ADAMTSL1: variants seen among roughly 807,000 people sequenced by gnomAD.
ADAMTSL1 encodes ADAMTS like 1.
ADAMTSL1 carries 126 observed loss-of-function variants against 201.8 expected under a neutral mutation model. The observed-to-expected ratio is 0.62, with a 90% confidence interval of 0.54 to 0.72. The LOEUF (loss-of-function observed/expected upper bound fraction) is 0.72, where lower values mean the gene tolerates loss of function less well. Among genes scored for constraint, ADAMTSL1 ranks in the 30% least tolerant of loss-of-function variants. The pLI, the probability that ADAMTSL1 is intolerant of heterozygous loss-of-function variation, is 0.00. For synonymous variants in ADAMTSL1, 1,121 were observed against 903.4 expected (o/e 1.24, Z -4.32); for missense variants, 2,679 against 2,277.8 (o/e 1.18, Z -3.59).
At chr9:18,693,382 A>T (rs1375641424) in intron 13 of ADAMTSL1, among the ~76,000 whole-genome samples, 1 of 152,242 alleles carries the variant, frequency 6.6e-6, no homozygotes, top group Non-Finnish European at 1.5e-5. Context: ...CTGCATAAGT[A>T]TAACTATAAG....
In ADAMTSL1 at chr9:18,395,560, T is replaced by C. The variant is rs575656710; in HGVS notation, c.208-109269T>C. 5.9e-5 allele frequency among the ~76,000 whole-genome samples: 9 copies of C among 152,304 alleles called. No individual in the cohort carries two copies. In the South Asian group the frequency reaches 1.9e-3, roughly 32 times the overall value. ...CAGACCCATTTTCTGATAGGGTATTTATCTGGCAAAATTCAATGAATGAAT... is the reference window on the plus strand; with the variant it reads ...CAGACCCATTTTCTGATAGGGTATTCATCTGGCAAAATTCAATGAATGAAT... On this transcript the variant is annotated intron_variant, in intron 2 of 29. Transcript: ENST00000680146.
chr9:18,562,508 T>C (rs1821583711), intron 3 of ADAMTSL1, among the ~76,000 whole-genome samples: 1 of 152,172 alleles, frequency 6.6e-6, no homozygotes, highest in Non-Finnish European at 1.5e-5. Context: ...GGGTTGCTCT[T>C]CTTGTGGAGT....
chr9:18,702,762 A>C (rs1461988072), intron 13 of ADAMTSL1, among the ~76,000 whole-genome samples: 2 of 152,084 alleles, frequency 1.3e-5, no homozygotes, highest in African/African-American at 4.8e-5. Flanking sequence ...TGCTAACAAA[A>C]AGAGTTTTTT....
At chr9:18,907,036 G>A (rs1242473971) in intron 28 of ADAMTSL1, 124 bp downstream of exon 28, 2 of 1,118,666 alleles carry the variant, frequency 1.8e-6, no homozygotes, top group South Asian at 1.5e-5. Context: ...TTGTGAGCTG[G>A]TGGTGGAGTT....
At chr9:18,210,924 A>T (rs924858989) in intron 2 of ADAMTSL1, among the ~76,000 whole-genome samples, 1 of 152,032 alleles carries the variant, frequency 6.6e-6, no homozygotes, top group Non-Finnish European at 1.5e-5. Context: ...GACATTAGAG[A>T]AACACACAAA....
intron 2 of ADAMTSL1, among the ~76,000 whole-genome samples, chr9:18,353,529 G>A (rs1211487501): frequency 6.6e-6 from 1 of 152,054 alleles, no homozygotes; most frequent in African/African-American, 2.4e-5. Flanking sequence ...ACATGCTCTT[G>A]GTCATAAAGC....
At chr9:18,808,558 C>A (rs1240909502) in intron 20 of ADAMTSL1, among the ~76,000 whole-genome samples, 1 of 152,150 alleles carries the variant, frequency 6.6e-6, no homozygotes, top group African/African-American at 2.4e-5. Context: ...TAGCTATACA[C>A]TTGCAGCTAT....
chr9:17,920,338 T>G (rs1826256758), intron 1 of ADAMTSL1, among the ~76,000 whole-genome samples: 1 of 152,196 alleles, frequency 6.6e-6, no homozygotes, highest in Non-Finnish European at 1.5e-5. Flanking sequence ...CCCTCATAGC[T>G]GTCATACTAA....
At chr9:17,938,025 G>A (rs944477803) in intron 1 of ADAMTSL1, among the ~76,000 whole-genome samples, 1 of 152,090 alleles carries the variant, frequency 6.6e-6, no homozygotes, top group Non-Finnish European at 1.5e-5. Context: ...GAAACAGATG[G>A]ATTTTTTTCC....
At chr9:18,591,172 T>C (rs1587657446) in intron 4 of ADAMTSL1, among the ~76,000 whole-genome samples, 1 of 152,210 alleles carries the variant, frequency 6.6e-6, no homozygotes, top group East Asian at 1.9e-4. Flanking sequence ...TTAGATCTGT[T>C]AAAATTTGCT....
intron 3 of ADAMTSL1, among the ~76,000 whole-genome samples, chr9:18,534,391 G>T (rs1195028020): frequency 2.0e-5 from 3 of 152,154 alleles, no homozygotes; most frequent in East Asian, 1.9e-4. Context: ...AGAAGGAGGA[G>T]AACTTAAACC....
At chr9:18,350,912 T>A (rs959496161) in intron 2 of ADAMTSL1, among the ~76,000 whole-genome samples, 15 of 152,176 alleles carry the variant, frequency 9.9e-5, no homozygotes, top group Admixed American at 3.3e-4. Flanking sequence ...AAGAACTTCA[T>A]AGAATTTTGT....
chr9:18,276,494 T>C (rs1418086487), intron 2 of ADAMTSL1, among the ~76,000 whole-genome samples: 1 of 152,214 alleles, frequency 6.6e-6, no homozygotes, highest in Non-Finnish European at 1.5e-5. Flanking sequence ...CTCTCATATA[T>C]TTCAAATTAA....
At chr9:18,047,391 G>C (rs544286971) in intron 1 of ADAMTSL1, among the ~76,000 whole-genome samples, 2 of 152,254 alleles carry the variant, frequency 1.3e-5, no homozygotes, top group Admixed American at 6.5e-5. Flanking sequence ...TAAAGGACAG[G>C]TATACTGCTA....
chr9:18,506,250 T>C (rs1375892077), intron 2 of ADAMTSL1, among the ~76,000 whole-genome samples: 1 of 152,254 alleles, frequency 6.6e-6, no homozygotes, highest in Admixed American at 6.5e-5. Context: ...ATCTTGAATA[T>C]ACAAAACTTC....
At chr9:18,711,659 G>A (rs1053787420) in intron 14 of ADAMTSL1, among the ~76,000 whole-genome samples, 34 of 151,840 alleles carry the variant, frequency 2.2e-4, no homozygotes, top group African/African-American at 7.0e-4. Flanking sequence ...AGGTGGCAGC[G>A]AGGCTGGGGG....
chr9:18,818,055 A>G (rs1444702026), intron 21 of ADAMTSL1, among the ~76,000 whole-genome samples: 3 of 152,326 alleles, frequency 2.0e-5, no homozygotes, highest in East Asian at 1.9e-4. Context: ...TTTACCTTCA[A>G]TTAAAAGACA....
intron 20 of ADAMTSL1, among the ~76,000 whole-genome samples, chr9:18,795,930 A>G (rs1822393694): frequency 6.6e-6 from 1 of 152,236 alleles, no homozygotes; most frequent in Admixed American, 6.5e-5. Flanking sequence ...AAGAAAGACT[A>G]CGACCCATAA....
chr9:18,623,243 C>CAA (rs11313686), intron 5 of ADAMTSL1, among the ~76,000 whole-genome samples: 2,487 of 140,766 alleles, frequency 0.018, 29 homozygotes, highest in Middle Eastern at 0.054. Context: ...TCAATACTAG[C>CAA]AAAAAAAAAA....
Sources: gnomAD v4.1 joint callset for allele counts (sites outside exome capture counted in the v4.1 genomes callset) on GRCh38, gnomAD v4.1.1 for gene constraint, MANE v1.5 for transcripts, NCBI Gene and HGNC (gene_info 2026-07-23, HGNC 2026-07-21) for gene names.